The following CNTNAP2 variants were observed in gnomAD, a reference collection of about 807,000 sequenced individuals.
The protein encoded by CNTNAP2 is contactin-associated protein-like 2.
CNTNAP2 carries 98 observed loss-of-function variants against 155.2 expected under a neutral mutation model. The ratio of observed to expected loss-of-function variants is 0.63; its 90% CI spans 0.54 to 0.75. The LOEUF (loss-of-function observed/expected upper bound fraction) is 0.75. Among genes scored for constraint, CNTNAP2 ranks in the 30% least tolerant of loss-of-function variants. The probability of loss-of-function intolerance (pLI) is 0.00; values close to 1 mark genes in which losing one functional copy is unlikely to be tolerated. For synonymous variants in CNTNAP2, 651 were observed against 631.2 expected, an observed-to-expected ratio of 1.03 and a Z score of -0.47; for missense variants, 1,727 against 1,688.1, an observed-to-expected ratio of 1.02 and a Z score of -0.40.
At chr7:148,206,497 A>G (rs992719589) in intron 18 of CNTNAP2, among the ~76,000 whole-genome samples, 3 of 152,164 alleles carry the variant, frequency 2.0e-5, no homozygotes, top group Admixed American at 6.5e-5. Context: ...AAATTTTAAA[A>G]TAAGGGATTC....
chr7:147,962,415 C>A (rs996244810), intron 14 of CNTNAP2, among the ~76,000 whole-genome samples: 3 of 152,128 alleles, frequency 2.0e-5, no homozygotes, highest in Non-Finnish European at 2.9e-5. Flanking sequence ...ATCAGCTGCC[C>A]CTCCCTGTCT....
At chr7:148,080,785 G>C (rs1006832724) in intron 15 of CNTNAP2, among the ~76,000 whole-genome samples, 1 of 151,986 alleles carries the variant, frequency 6.6e-6, no homozygotes, top group African/African-American at 2.4e-5. Context: ...TATAGAGCAG[G>C]GGGGGAAATG....
chr7:146,880,189 A>G (rs1795515397), intron 3 of CNTNAP2, among the ~76,000 whole-genome samples: 1 of 152,136 alleles, frequency 6.6e-6, no homozygotes, highest in African/African-American at 2.4e-5. Context: ...ACAAATTCAC[A>G]TGTTGAAAGC....
At chr7:147,048,453 G>A (rs914696358) in intron 4 of CNTNAP2, among the ~76,000 whole-genome samples, 8 of 152,140 alleles carry the variant, frequency 5.3e-5, no homozygotes, top group African/African-American at 1.7e-4. Flanking sequence ...CCGAAGTTGT[G>A]AAAGAACAAA....
intron 1 of CNTNAP2, among the ~76,000 whole-genome samples, chr7:146,403,325 C>CA (rs1795741313): frequency 6.6e-6 from 1 of 152,032 alleles, no homozygotes; most frequent in African/African-American, 2.4e-5. Flanking sequence ...CTTAGACTAA[C>CA]AAAGTTTGGG....
chr7:146,160,298 C>G (rs1395047725), intron 1 of CNTNAP2, among the ~76,000 whole-genome samples: 2 of 152,010 alleles, frequency 1.3e-5, no homozygotes, highest in African/African-American at 4.8e-5. Flanking sequence ...AAAGCACGAG[C>G]AAACACATTC....
intron 1 of CNTNAP2, among the ~76,000 whole-genome samples, chr7:146,359,712 G>A (rs1795054377): frequency 6.6e-6 from 1 of 152,074 alleles, no homozygotes; most frequent in Admixed American, 6.6e-5. Flanking sequence ...TAATGTAATA[G>A]CATATTTTAT....
At chr7:146,592,527 A>G (rs545786450) in intron 1 of CNTNAP2, among the ~76,000 whole-genome samples, 4 of 152,270 alleles carry the variant, frequency 2.6e-5, no homozygotes, top group African/African-American at 9.6e-5. Flanking sequence ...TGTCGCTCCA[A>G]TTCCTAAGAA....
intron 8 of CNTNAP2, among the ~76,000 whole-genome samples, chr7:147,149,821 G>T (rs1055161352): frequency 2.6e-5 from 4 of 152,176 alleles, no homozygotes; most frequent in African/African-American, 4.8e-5. Flanking sequence ...CATAATCCAG[G>T]AGTAAGTAAT....
intron 13 of CNTNAP2, among the ~76,000 whole-genome samples, chr7:147,812,456 C>T (rs1227772803): frequency 6.7e-6 from 1 of 149,262 alleles, no homozygotes; most frequent in Non-Finnish European, 1.5e-5. Context: ...GTTTACAGTA[C>T]AGAGTTCTTA....
intron 3 of CNTNAP2, among the ~76,000 whole-genome samples, chr7:146,963,728 AT>A (rs1205326004): frequency 6.6e-6 from 1 of 152,194 alleles, no homozygotes; most frequent in Non-Finnish European, 1.5e-5. Context: ...TTTAATATTT[AT>A]TTAGATTTAT....
chr7:148,329,709 G>A (rs1013475221), intron 21 of CNTNAP2, among the ~76,000 whole-genome samples: 8 of 152,230 alleles, frequency 5.3e-5, no homozygotes, highest in Non-Finnish European at 7.3e-5. Context: ...GTGACAGTCA[G>A]TGCTGGGATC....
chr7:146,387,281 CTA>C (rs896647217), intron 1 of CNTNAP2, among the ~76,000 whole-genome samples: 1 of 152,168 alleles, frequency 6.6e-6, no homozygotes, highest in African/African-American at 2.4e-5. Context: ...AGAGCAGAAA[CTA>C]TTCAACCCAA....
At chr7:146,978,004 G>T (rs1390495713) in intron 3 of CNTNAP2, among the ~76,000 whole-genome samples, 1 of 152,052 alleles carries the variant, frequency 6.6e-6, no homozygotes, top group Non-Finnish European at 1.5e-5. Context: ...TATAGAAAAG[G>T]TCTTAAATGA....
intron 3 of CNTNAP2, among the ~76,000 whole-genome samples, chr7:146,991,095 AC>A (rs377523784): frequency 7.2e-5 from 11 of 152,240 alleles, no homozygotes; most frequent in African/African-American, 2.6e-4. Flanking sequence ...GGTTTAAAAA[AC>A]TTTTAAAGGC....
chr7:146,852,057 G>C (rs573994554), intron 3 of CNTNAP2, among the ~76,000 whole-genome samples: 244 of 152,074 alleles, frequency 1.6e-3, no homozygotes, highest in African/African-American at 5.6e-3. Context: ...ACTCTGGTAT[G>C]ACCTCATATT....
intron 13 of CNTNAP2, among the ~76,000 whole-genome samples, chr7:147,834,783 T>C (rs952451516): frequency 1.3e-5 from 2 of 152,244 alleles, no homozygotes; most frequent in African/African-American, 2.4e-5. Context: ...TATGTCCATT[T>C]TGAGTCTGTA....
At chr7:146,986,433 T>A (rs186543587) in intron 3 of CNTNAP2, among the ~76,000 whole-genome samples, 221 of 152,340 alleles carry the variant, frequency 1.5e-3, no homozygotes, top group African/African-American at 5.0e-3. Flanking sequence ...GTTCCATATT[T>A]TTGCAATTGC....
chr7:146,756,176 A>G (rs986594387), intron 1 of CNTNAP2, among the ~76,000 whole-genome samples: 2 of 151,986 alleles, frequency 1.3e-5, no homozygotes, highest in African/African-American at 4.8e-5. Context: ...ACAAAATTGT[A>G]TTTTTGCACA....
Sources: allele counts gnomAD v4.1 joint callset (sites outside exome capture counted in the v4.1 genomes callset), GRCh38; gene constraint gnomAD v4.1.1; transcripts MANE v1.5; gene names NCBI Gene and HGNC (gene_info 2026-07-23, HGNC 2026-07-21).